The following MTMR7 variants were observed in gnomAD, a reference collection of about 807,000 sequenced individuals.
The protein encoded by MTMR7 is myotubularin related protein 7, also known as phosphatidylinositol-3-phosphate phosphatase MTMR7.
A neutral mutation model predicts 81.2 loss-of-function variants in MTMR7; 76 were observed. That is an observed-to-expected ratio of 0.94 (90% CI 0.78 to 1.13). MTMR7 has a LOEUF of 1.13. Among genes scored for constraint, MTMR7 ranks in the 50% most tolerant of loss-of-function variants. MTMR7 has a pLI of 0.00. For synonymous variants in MTMR7, 372 were observed against 289.8 expected (o/e 1.28, Z -2.88); for missense variants, 1,044 against 820.0 (o/e 1.27, Z -3.34).
intron 3 of MTMR7, among the ~76,000 whole-genome samples, chr8:17,363,741 G>GAT (rs896162977): frequency 2.0e-5 from 3 of 152,058 alleles, no homozygotes; most frequent in African/African-American, 4.8e-5. Flanking sequence ...GGCAAGCCCA[G>GAT]ATACAGCCTG....
chr8:17,377,561 G>A (rs974361062), intron 1 of MTMR7, among the ~76,000 whole-genome samples: 1 of 151,516 alleles, frequency 6.6e-6, no homozygotes, highest in Non-Finnish European at 1.5e-5. Flanking sequence ...AACTTGCTTT[G>A]CTTGGGCATG....
intron 7 of MTMR7, among the ~76,000 whole-genome samples, chr8:17,328,636 G>C (rs1164049454): frequency 6.6e-6 from 1 of 152,116 alleles, no homozygotes; most frequent in Non-Finnish European, 1.5e-5. Context: ...ACAGTTAGAT[G>C]ATGGGTTGAC....
intron 1 of MTMR7, among the ~76,000 whole-genome samples, chr8:17,390,179 C>T (rs996503989): frequency 6.6e-6 from 1 of 152,098 alleles, no homozygotes; most frequent in Middle Eastern, 3.4e-3. Context: ...TTAATCGGCT[C>T]GTGGTTCTGC....
At position 17,335,207 on chromosome 8, in the gene MTMR7, C is replaced by T. The variant is rs140151781; in HGVS notation, c.733-3925G>A. ...CCTCAGCGCTGACAGAGAGGAGGGA[C>T]GGAGAACGCAGGCTCCACGAGGGGC... On this transcript the variant is annotated intron_variant, in intron 6 of 13. Transcript: ENST00000180173. 4.0e-3 allele frequency among the ~76,000 whole-genome samples: 607 copies of T among 152,196 alleles called. 4 individuals carry two copies. Among genetic ancestry groups the T allele is most frequent in the African/African-American group, 0.014 (575 of 41,520 alleles).
chr8:17,330,424 T>C (rs566990972), intron 7 of MTMR7, among the ~76,000 whole-genome samples: 1 of 152,212 alleles, frequency 6.6e-6, no homozygotes, highest in African/African-American at 2.4e-5. Context: ...GAGCCGGAAG[T>C]GGTAGACTAC....
chr8:17,309,413 G>T (rs940709451), intron 9 of MTMR7, 87 bp from the exon 10 acceptor site: 5 of 926,750 alleles, frequency 5.4e-6, no homozygotes, highest in Middle Eastern at 2.1e-4. Context: ...GAATTCAGAG[G>T]CACTTGCAGA....
chr8:17,302,435 AT>A (rs1454163690), intron 12 of MTMR7, 155 bp from the exon 13 acceptor site: 2 of 763,946 alleles, frequency 2.6e-6, no homozygotes, highest in African/African-American at 3.6e-5. Context: ...TAATAATTTC[AT>A]GTTGATGTTT....
At chr8:17,382,151 C>G (rs1454564960) in intron 1 of MTMR7, among the ~76,000 whole-genome samples, 1 of 152,166 alleles carries the variant, frequency 6.6e-6, no homozygotes, top group Non-Finnish European at 1.5e-5. Context: ...TTGTGACTTA[C>G]TGAGGAAAGG....
chr8:17,353,772 A>C (rs986156841), intron 4 of MTMR7, among the ~76,000 whole-genome samples: 10 of 152,350 alleles, frequency 6.6e-5, no homozygotes, highest in Non-Finnish European at 2.9e-5. Flanking sequence ...AAAATGAATA[A>C]GGAAACCGAT....
intron 7 of MTMR7, among the ~76,000 whole-genome samples, chr8:17,315,837 C>T (rs1298114528): frequency 6.6e-6 from 1 of 152,080 alleles, no homozygotes; most frequent in Non-Finnish European, 1.5e-5. Context: ...AGTAGTGAGA[C>T]TCAGGCTCTA....
chr8:17,371,287 GAC>G, intron 2 of MTMR7, 88 bp from the exon 3 acceptor site: 1 of 1,425,758 alleles, frequency 7.0e-7, no homozygotes, highest in Non-Finnish European at 9.6e-7. Flanking sequence ...CTCAAAGAAA[GAC>G]AAGAAACGCT....
intron 4 of MTMR7, 136 bp from the exon 5 acceptor site, chr8:17,349,217 G>A (rs919283524): frequency 1.0e-4 from 107 of 1,073,284 alleles, no homozygotes; most frequent in Admixed American, 2.4e-4. Context: ...AGGCTATTTC[G>A]AGGAAACTCA....
rs1021330065 is a variant in MTMR7 at position 17,328,052 on chromosome 8, T to A, written c.865+3098A>T. Among the ~76,000 whole-genome samples the A allele has an allele frequency of 4.6e-5, 7 of 152,174 alleles. No homozygotes were observed. The East Asian group carries it at 1.3e-3, about 29-fold the overall frequency. On this transcript the variant is annotated intron_variant, in intron 7 of 13. Coordinates refer to ENST00000180173, the MANE Select transcript of MTMR7 (RefSeq NM_004686.5). ...GATGAATAAGTGGTCAGTGAAACAA[T>A]GACCAACAGTATTAATCTAACAGTC...
chr8:17,313,145 C>T (rs1014082127), intron 8 of MTMR7, 147 bp downstream of exon 8: 18 of 500,800 alleles, frequency 3.6e-5, no homozygotes, highest in Admixed American at 9.6e-5. Context: ...ATATCTTCAG[C>T]GCACAGACTA....
At chr8:17,354,399 G>A (rs1384641510) in intron 4 of MTMR7, among the ~76,000 whole-genome samples, 1 of 152,016 alleles carries the variant, frequency 6.6e-6, no homozygotes, top group Non-Finnish European at 1.5e-5. Flanking sequence ...ACCTAGCAAT[G>A]AATACAAATT....
intron 2 of MTMR7, among the ~76,000 whole-genome samples, chr8:17,371,507 G>A (rs938857234): frequency 6.6e-5 from 10 of 152,144 alleles, no homozygotes; most frequent in Non-Finnish European, 1.2e-4. Flanking sequence ...TATTGAATGC[G>A]CTTAATAGCT....
At chr8:17,318,354 C>G (rs1357021195) in intron 7 of MTMR7, among the ~76,000 whole-genome samples, 1 of 151,994 alleles carries the variant, frequency 6.6e-6, no homozygotes, top group African/African-American at 2.4e-5. Flanking sequence ...GGGCTGAAGA[C>G]AAGTTTACAG....
At chr8:17,351,877 T>C (rs555449557) in intron 4 of MTMR7, among the ~76,000 whole-genome samples, 1 of 152,230 alleles carries the variant, frequency 6.6e-6, no homozygotes, top group African/African-American at 2.4e-5. Flanking sequence ...TTCATCAAAG[T>C]AGACAGCACT....
chr8:17,316,914 C>G (rs1364426244), intron 7 of MTMR7, among the ~76,000 whole-genome samples: 1 of 152,146 alleles, frequency 6.6e-6, no homozygotes, highest in East Asian at 1.9e-4. Context: ...AGGGATGACT[C>G]TACTGCCAAA....
Sources: allele counts gnomAD v4.1 joint callset (sites outside exome capture counted in the v4.1 genomes callset), GRCh38; gene constraint gnomAD v4.1.1; transcripts MANE v1.5; gene names NCBI Gene and HGNC (gene_info 2026-07-23, HGNC 2026-07-21).